The following MS4A4A variants were observed in gnomAD, a reference collection of about 807,000 sequenced individuals.
The protein encoded by MS4A4A is membrane spanning 4-domains A4A.
MS4A4A carries 26 observed loss-of-function variants against 28.0 expected under a neutral mutation model. The observed-to-expected ratio is 0.93, with a 90% CI of 0.68 to 1.29. MS4A4A has a LOEUF of 1.29. Among genes scored for constraint, MS4A4A ranks in the 50% most tolerant of loss-of-function variants. MS4A4A has a pLI of 0.00. For synonymous variants in MS4A4A, 86 were observed against 100.8 expected (o/e 0.85, Z 0.88); for missense variants, 290 against 293.1 (o/e 0.99, Z 0.08).
intron 2 of MS4A4A, among the ~76,000 whole-genome samples, chr11:60,294,850 TA>T (rs1565145870): frequency 6.7e-6 from 1 of 149,484 alleles, no homozygotes; most frequent in Non-Finnish European, 1.5e-5. Flanking sequence ...TATCACTTTA[TA>T]GTATGTCCTA....
In MS4A4A at chr11:60,304,742, G is replaced by A. The variant is rs538062059; in HGVS notation, c.547-1358G>A. Among the ~76,000 whole-genome samples the A allele has an allele frequency of 7.9e-5, 12 of 152,348 alleles. No homozygotes were observed. In the South Asian group the frequency reaches 1.4e-3, roughly 18 times the overall value. On this transcript the variant is annotated intron_variant, in intron 5 of 6. Coordinates refer to ENST00000337908, the MANE Select transcript of MS4A4A (RefSeq NM_148975.3). ...GTTATAACAGCAGGTTTGAGTATGT[G>A]TGACAGAGACCTTATGGTCGGCAAA... is the stretch of plus-strand genomic sequence containing the variant.
At chr11:60,303,939 T>C (rs190095321) in intron 5 of MS4A4A, among the ~76,000 whole-genome samples, 22 of 152,344 alleles carry the variant, frequency 1.4e-4, no homozygotes, top group African/African-American at 4.6e-4. Context: ...GGCTATATAA[T>C]CACACCAAAA....
At chr11:60,286,016 G>C (rs1390646858) in intron 1 of MS4A4A, among the ~76,000 whole-genome samples, 1 of 152,152 alleles carries the variant, frequency 6.6e-6, no homozygotes. Context: ...GACACCCCCA[G>C]AGCGGCTGTC....
At chr11:60,283,171 C>A (rs1394248058) in intron 1 of MS4A4A, among the ~76,000 whole-genome samples, 1 of 152,128 alleles carries the variant, frequency 6.6e-6, no homozygotes, top group Non-Finnish European at 1.5e-5. Context: ...TGGCTTACTG[C>A]AGCCTGGGCC....
At chr11:60,304,013 A>G (rs1395916686) in intron 5 of MS4A4A, among the ~76,000 whole-genome samples, 1 of 152,196 alleles carries the variant, frequency 6.6e-6, no homozygotes, top group Non-Finnish European at 1.5e-5. Context: ...TGCTTTTTAT[A>G]GTAAGCAATT....
intron 5 of MS4A4A, among the ~76,000 whole-genome samples, chr11:60,303,421 A>G (rs553532571): frequency 6.6e-6 from 1 of 152,248 alleles, no homozygotes; most frequent in Non-Finnish European, 1.5e-5. Context: ...ATTATTAAAA[A>G]GCCTGGCAGG....
intron 6 of MS4A4A, among the ~76,000 whole-genome samples, chr11:60,306,934 G>A (rs1267222110): frequency 6.6e-6 from 1 of 152,124 alleles, no homozygotes; most frequent in Non-Finnish European, 1.5e-5. Context: ...TTTACCCTGA[G>A]ACCTGCAGCT....
Position 60,284,362 on chromosome 11 carries a change from A to G in MS4A4A, c.41+3646A>G, listed in dbSNP as rs73487283. ...TCATTTCTGGCTTGAAGTATAAAAC[A>G]TAAACTTCCTTTAACACTTCCTGCC... On this transcript the variant is annotated intron_variant, in intron 1 of 6. Coordinates refer to ENST00000337908, the MANE Select transcript of MS4A4A (RefSeq NM_148975.3). Among the ~76,000 whole-genome samples the G allele has an allele frequency of 3.6e-3, 556 of 152,342 alleles. 3 individuals carry two copies. Among genetic ancestry groups the G allele is most frequent in the African/African-American group, 0.013 (546 of 41,580 alleles).
chr11:60,299,444 A>T (rs1005526357), intron 3 of MS4A4A, among the ~76,000 whole-genome samples: 6 of 119,172 alleles, frequency 5.0e-5, no homozygotes, highest in African/African-American at 1.8e-4. Context: ...CAGAAATTAC[A>T]ATTCTTTTTT....
At chr11:60,296,174 A>G (rs2084903972) in intron 2 of MS4A4A, among the ~76,000 whole-genome samples, 1 of 151,970 alleles carries the variant, frequency 6.6e-6, no homozygotes, top group African/African-American at 2.4e-5. Flanking sequence ...AGGCTTATTC[A>G]GAGTGTCTCT....
intron 2 of MS4A4A, among the ~76,000 whole-genome samples, chr11:60,292,800 T>G (rs1365738461): frequency 6.6e-6 from 1 of 152,154 alleles, no homozygotes; most frequent in Non-Finnish European, 1.5e-5. Flanking sequence ...ATCTATCCTC[T>G]GAGCATTTCC....
At position 60,283,908 on chromosome 11, in the gene MS4A4A, G is replaced by A. The variant is rs184392020; in HGVS notation, c.41+3192G>A. 6.6e-5 allele frequency among the ~76,000 whole-genome samples: 10 copies of A among 152,298 alleles called. No homozygotes were observed. In the East Asian group the frequency reaches 1.2e-3, roughly 18 times the overall value. Reference sequence around the variant, plus strand: ...CCACCTCACAAATTCCATTATCATTGGAACAGAGACTGCAAGAGGAAGACA... The same window carrying A: ...CCACCTCACAAATTCCATTATCATTAGAACAGAGACTGCAAGAGGAAGACA... On this transcript the variant is annotated intron_variant, in intron 1 of 6. Transcript: ENST00000337908.
intron 1 of MS4A4A, among the ~76,000 whole-genome samples, chr11:60,290,671 T>C (rs1394178945): frequency 6.6e-6 from 1 of 151,954 alleles, no homozygotes; most frequent in Admixed American, 6.6e-5. Context: ...TTTTTCATAA[T>C]TTTAAGTATA....
At chr11:60,286,157 C>G (rs2135011032) in intron 1 of MS4A4A, among the ~76,000 whole-genome samples, 1 of 152,320 alleles carries the variant, frequency 6.6e-6, no homozygotes, top group Non-Finnish European at 1.5e-5. Context: ...GCCCCGCAGG[C>G]AGTCAGACCT....
chr11:60,292,160 C>G, intron 1 of MS4A4A, 65 bp from the exon 2 acceptor site: 2 of 1,468,312 alleles, frequency 1.4e-6, no homozygotes, highest in South Asian at 3.0e-5. Flanking sequence ...GGAACCTGCC[C>G]CAAAGTGTCA....
In MS4A4A at chr11:60,290,102, T is replaced by G. The variant is rs766499657; in HGVS notation, c.42-2123T>G. 53 of 445,738 alleles carry G rather than the reference T, an allele frequency of 1.2e-4. 1 individual carries two copies. The highest frequency in any genetic ancestry group is 7.5e-4 in the South Asian group (47 of 62,680). 27.6% of individuals were successfully genotyped at this position (445,738 alleles called of 1,614,324 possible). A position where few individuals can be genotyped will look rare whatever the true frequency, so the allele number is the denominator to read the frequency against. Reference sequence around the variant, plus strand: ...TTTATGGACTCCAATGGAGGACTTATTCAGAGACTGATTGCCTTCTAAATA... The same window carrying G: ...TTTATGGACTCCAATGGAGGACTTAGTCAGAGACTGATTGCCTTCTAAATA... On this transcript the variant is annotated intron_variant, in intron 1 of 6. Coordinates refer to ENST00000337908, the MANE Select transcript of MS4A4A (RefSeq NM_148975.3).
At chr11:60,287,716 C>T (rs908556703) in intron 1 of MS4A4A, among the ~76,000 whole-genome samples, 14 of 152,094 alleles carry the variant, frequency 9.2e-5, no homozygotes, top group Non-Finnish European at 1.5e-4. Context: ...TATGATTTAT[C>T]TGGAGGCAAA....
chr11:60,282,457 C>A, intron 1 of MS4A4A: 1 of 679,174 alleles, frequency 1.5e-6, no homozygotes, highest in Non-Finnish European at 2.1e-6. Flanking sequence ...TATTTACCGT[C>A]ATAGGCTGAC....
intron 6 of MS4A4A, 85 bp from the exon 7 acceptor site, chr11:60,308,022 G>A (rs184294692): frequency 1.5e-4 from 172 of 1,173,168 alleles, no homozygotes; most frequent in Admixed American, 6.9e-4. Context: ...AGTAAACTCT[G>A]ATAATGATGA....
Sources: gnomAD v4.1 joint callset for allele counts (sites outside exome capture counted in the v4.1 genomes callset) on GRCh38, gnomAD v4.1.1 for gene constraint, MANE v1.5 for transcripts, NCBI Gene and HGNC (gene_info 2026-07-23, HGNC 2026-07-21) for gene names.